The following SENP2 variants were observed in gnomAD, a reference collection of about 807,000 sequenced individuals.
The protein encoded by SENP2 is SUMO specific peptidase 2.
A neutral mutation model predicts 86.3 loss-of-function variants in SENP2; 16 were observed. The observed-to-expected ratio is 0.19, with a 90% confidence interval of 0.13 to 0.28. SENP2 has a LOEUF of 0.28. Among genes scored for constraint, SENP2 ranks in the 10% least tolerant of loss-of-function variants. SENP2 has a pLI of 1.00. For missense variants in SENP2, 552 were observed against 703.0 expected (o/e 0.79, Z 2.43); for synonymous variants, 222 against 238.7 (o/e 0.93, Z 0.64).
chr3:185,586,605 T>A lies in SENP2; in HGVS notation c.101+91T>A. 1 of 1,283,712 alleles carries A rather than the reference T, an allele frequency of 7.8e-7. No individual in the cohort carries two copies. Among genetic ancestry groups the A allele is most frequent in the Non-Finnish European group, 1.1e-6 (1 of 902,536 alleles). 79.5% of individuals were successfully genotyped at this position (1,283,712 alleles called of 1,614,324 possible). The stretch of plus-strand genomic sequence containing the variant: ...CGTGATAGCTTTGATTCAGCCAGGC[T>A]CACCCGAAACAGGTCGCCGGGATCC... On this transcript the variant is annotated intron_variant, in intron 1 of 16. Coordinates refer to ENST00000296257, the MANE Select transcript of SENP2 (RefSeq NM_021627.3). The surrounding 1 kb of genome is among the most constrained non-coding windows in gnomAD (Gnocchi z 4.3).
intron 8 of SENP2, 21 bp downstream of exon 8, chr3:185,611,766 T>G: frequency 6.5e-7 from 1 of 1,548,756 alleles, no homozygotes; most frequent in Non-Finnish European, 8.9e-7. Context: ...AGATTTAGCC[T>G]TGTCTTAATA....
At chr3:185,618,894 C>T (rs1035312257) in intron 12 of SENP2, among the ~76,000 whole-genome samples, 2 of 152,128 alleles carry the variant, frequency 1.3e-5, no homozygotes, top group Non-Finnish European at 2.9e-5. Context: ...AAAAGTATCA[C>T]CACTCAGAGA....
rs368332244 is a variant in SENP2, at chr3:185,609,278, G to A, written c.650G>A (p.Arg217Gln). The change falls in exon 7 of 17, where the codon CGA (arginine) becomes CAA (glutamine). Residue 217 changes from arginine to glutamine, a missense_variant. By Grantham distance (43) the Arg-to-Gln change is conservative (BLOSUM62 1). Around this residue, in one of 2 missense-constraint regions of SENP2, gnomAD observed 383 missense variants for 427.3 expected, o/e 0.90. Transcript: ENST00000296257. ...CAAAAAGAGGAAAGAGAGAAGTACC[G>A]AAAGTTATTGGAACGACTTAAAGAA... is the stretch of plus-strand genomic sequence containing the variant. Reference protein sequence around the residue: ...GVQKEEREKYRKLLERLKESG... With the variant: ...GVQKEEREKYQKLLERLKESG... 2.8e-5 allele frequency: 45 copies of A among 1,613,490 alleles called. No homozygotes were observed. The highest frequency in any genetic ancestry group is 3.5e-5 in the Non-Finnish European group (41 of 1,179,686).
chr3:185,586,359 G>C lies in SENP2; in HGVS notation c.-55G>C. The C allele has an allele frequency of 6.2e-7, 1 of 1,610,438 alleles. No individual in the cohort carries two copies. On this transcript the variant is annotated 5_prime_UTR_variant, in exon 1 of 17. Transcript: ENST00000296257. This position sits in a 1 kb window ranked among gnomAD's most constrained non-coding sequence, Gnocchi z 4.3. ...GGCGAAGGCGGCAGCGGCGGCGACA[G>C]CTCTGGGGTTTGCGTCTCGGGGTGT... is the stretch of plus-strand genomic sequence containing the variant.
chr3:185,611,761 T>C lies in SENP2; in HGVS notation c.817+16T>C. On this transcript the variant is annotated intron_variant, in intron 8 of 16. Coordinates refer to ENST00000296257, the MANE Select transcript of SENP2 (RefSeq NM_021627.3). Reference sequence around the variant, plus strand: ...CCAAAACAATGTGAGTTCCCAGATTTAGCCTTGTCTTAATATATTGACCTT... The same window carrying C: ...CCAAAACAATGTGAGTTCCCAGATTCAGCCTTGTCTTAATATATTGACCTT... 6.4e-7 allele frequency: 1 copy of C among 1,572,890 alleles called. No homozygotes were observed. Among genetic ancestry groups the C allele is most frequent in the South Asian group, 1.1e-5 (1 of 89,510 alleles).
At position 185,614,859 on chromosome 3, in the gene SENP2, TGTCA is replaced by T. The variant is rs1227969079; in HGVS notation, c.1110+121_1110+124del. Reference sequence around the variant, plus strand: ...GGCTAGGGGTGAATATATGAAAACATGTCAGGTCCATGGTCTGTTGATTCACTTT... The same window carrying T: ...GGCTAGGGGTGAATATATGAAAACATGGTCCATGGTCTGTTGATTCACTTT... On this transcript the variant is annotated intron_variant, in intron 11 of 16. Transcript: ENST00000296257. 5 of 893,458 alleles carry T rather than the reference TGTCA, an allele frequency of 5.6e-6. No individual in the cohort carries two copies. The African/African-American group carries it at 8.5e-5, about 15-fold the overall frequency. 55.3% of individuals were successfully genotyped at this position (893,458 alleles called of 1,614,324 possible). A position where few individuals can be genotyped will look rare whatever the true frequency, so the allele number is the denominator to read the frequency against.
intron 13 of SENP2, among the ~76,000 whole-genome samples, chr3:185,620,124 A>T (rs2148993424): frequency 6.6e-6 from 1 of 151,216 alleles, no homozygotes; most frequent in South Asian, 2.1e-4. Flanking sequence ...ATGCAGTGGC[A>T]CAACCATAGC....
At chr3:185,600,949 C>T (rs1341040206) in intron 5 of SENP2, 94 bp downstream of exon 5, 6 of 815,652 alleles carry the variant, frequency 7.4e-6, no homozygotes. Context: ...TTATGTAGTC[C>T]TGCTAAGCGC....
At chr3:185,604,460 G>A (rs1722447433) in intron 5 of SENP2, among the ~76,000 whole-genome samples, 1 of 152,176 alleles carries the variant, frequency 6.6e-6, no homozygotes, top group African/African-American at 2.4e-5. Flanking sequence ...TATTTTACAG[G>A]TGTTAGTGAT....
Position 185,621,876 on chromosome 3 carries a change from A to G in SENP2, c.1497A>G (p.Gln499=), listed in dbSNP as rs2148994250. The G allele has an allele frequency of 6.2e-7, 1 of 1,612,296 alleles. No homozygotes were observed. Among genetic ancestry groups the G allele is most frequent in the African/African-American group, 1.3e-5 (1 of 75,002 alleles). The change falls in exon 14 of 17, where the codon CAA becomes CAG. Residue 499 remains glutamine, a synonymous_variant. Coordinates refer to ENST00000296257, the MANE Select transcript of SENP2 (RefSeq NM_021627.3). ...TTAAATATCTGGATTCTATGGGACA[A>G]AAGGGCCACAGGATCTGTGAGATTC... ...KCLKYLDSMG[Q]KGHRICEILL...
chr3:185,610,451 C>T (rs755164933), intron 7 of SENP2, among the ~76,000 whole-genome samples: 4 of 152,014 alleles, frequency 2.6e-5, no homozygotes, highest in East Asian at 1.9e-4. Context: ...CGTGAGCCAC[C>T]GCACCCGGCC....
At chr3:185,593,889 C>G (rs531617084) in intron 2 of SENP2, among the ~76,000 whole-genome samples, 1 of 151,824 alleles carries the variant, frequency 6.6e-6, no homozygotes, top group South Asian at 2.1e-4. Flanking sequence ...CCACTATGCC[C>G]GGCTAATTTT....
intron 1 of SENP2, among the ~76,000 whole-genome samples, chr3:185,587,333 A>G (rs1037380219): frequency 6.6e-6 from 1 of 151,824 alleles, no homozygotes; most frequent in South Asian, 2.1e-4. Flanking sequence ...GGGTTTCACT[A>G]TATTGGCTAG....
intron 12 of SENP2, among the ~76,000 whole-genome samples, chr3:185,619,031 A>G (rs531901766): frequency 6.6e-6 from 1 of 152,356 alleles, no homozygotes; most frequent in South Asian, 2.1e-4. Flanking sequence ...ACAGTTATGT[A>G]GATCTTTCCA....
intron 6 of SENP2, among the ~76,000 whole-genome samples, chr3:185,607,609 C>G (rs1449124914): frequency 6.6e-6 from 1 of 152,150 alleles, no homozygotes; most frequent in East Asian, 1.9e-4. Flanking sequence ...GGATTACAGG[C>G]ATGAGCCACT....
chr3:185,613,950 C>T (rs919501961), intron 10 of SENP2, among the ~76,000 whole-genome samples: 2 of 152,024 alleles, frequency 1.3e-5, no homozygotes, highest in African/African-American at 4.8e-5. Context: ...ACCAATCTGC[C>T]TCCATACCAA....
At chr3:185,618,223 C>T (rs965821241) in intron 12 of SENP2, among the ~76,000 whole-genome samples, 3 of 152,146 alleles carry the variant, frequency 2.0e-5, no homozygotes, top group Admixed American at 1.3e-4. Context: ...GGATTACAGG[C>T]GTGAGCCACC....
At position 185,611,855 on chromosome 3, in the gene SENP2, T is replaced by C. The variant is rs558996263; in HGVS notation, c.817+110T>C. On this transcript the variant is annotated intron_variant, in intron 8 of 16. Transcript: ENST00000296257. ...AAGTGTAGATGGTGTACCAAAATACTGTCAAATCTCACAGCATTGGGCCGG... is the reference window on the plus strand; with the variant it reads ...AAGTGTAGATGGTGTACCAAAATACCGTCAAATCTCACAGCATTGGGCCGG... The C allele has an allele frequency of 8.6e-5, 69 of 801,438 alleles. No individual in the cohort carries two copies. The African/African-American group carries it at 9.8e-4, about 11-fold the overall frequency. 49.6% of individuals were successfully genotyped at this position (801,438 alleles called of 1,614,324 possible). A position where few individuals can be genotyped will look rare whatever the true frequency, so the allele number is the denominator to read the frequency against.
At position 185,586,974 on chromosome 3, in the gene SENP2, TCAAA is replaced by T. The variant is rs1721804084; in HGVS notation, c.101+463_101+466del. 1.3e-5 allele frequency among the ~76,000 whole-genome samples: 2 copies of T among 152,286 alleles called. No individual in the cohort carries two copies. Among genetic ancestry groups the T allele is most frequent in the Admixed American group, 1.3e-4 (2 of 15,290 alleles). ...CACCTGTTTTGTTCCAAAACAGCTG[TCAAA>T]CAGTCTGTGTGTTTGGGGCCAGAAG... On this transcript the variant is annotated intron_variant, in intron 1 of 16. Coordinates refer to ENST00000296257, the MANE Select transcript of SENP2 (RefSeq NM_021627.3). This position sits in a 1 kb window ranked among gnomAD's most constrained non-coding sequence, Gnocchi z 4.3.
Sources: gnomAD v4.1 joint callset for allele counts (sites outside exome capture counted in the v4.1 genomes callset) on GRCh38, gnomAD v4.1.1 for gene constraint, gnomAD v4.1.1 regional missense constraint, Gnocchi (gnomAD v3.1) non-coding constraint, MANE v1.5 for transcripts, NCBI Gene and HGNC (gene_info 2026-07-23, HGNC 2026-07-21) for gene names.